Variants in ACOT11 observed in about 807,000 individuals in gnomAD.
ACOT11 encodes the protein acyl-CoA thioesterase 11.
ACOT11 carries 69 observed loss-of-function variants against 77.5 expected under a neutral mutation model. That is an observed-to-expected ratio of 0.89 (90% CI 0.73 to 1.09). The LOEUF (loss-of-function observed/expected upper bound fraction) is 1.09. Among genes scored for constraint, ACOT11 ranks in the 50% least tolerant of loss-of-function variants. The pLI, the probability that ACOT11 is intolerant of heterozygous loss-of-function variation, is 0.00. For synonymous variants in ACOT11, 279 were observed against 313.0 expected (o/e 0.89, Z 1.15); for missense variants, 766 against 813.7 (o/e 0.94, Z 0.71).
chr1:54,622,846 TG>T (rs11365693), intron 15 of ACOT11, among the ~76,000 whole-genome samples: 151,968 of 151,992 alleles, frequency 1, 75,972 homozygotes, highest in Middle Eastern at 1. Flanking sequence ...GAGCTGTGGA[TG>T]GGGGAATGAG....
Position 54,628,834 on chromosome 1 carries a change from C to T in ACOT11, c.1630-1900C>T, listed in dbSNP as rs964512992. Among the ~76,000 whole-genome samples, 9 of 132,064 alleles carry T rather than the reference C, an allele frequency of 6.8e-5. 1 individual carries two copies. Among genetic ancestry groups the T allele is most frequent in the Admixed American group, 3.9e-4 (5 of 12,766 alleles). The allele number at this position is 132,064 out of a possible 152,430, so 86.6% of individuals were successfully genotyped here. On this transcript the variant is annotated intron_variant, in intron 15 of 16. Transcript: ENST00000371316. Reference sequence around the variant, plus strand: ...CAACACTTTGGGAGGCTAAGGCGGGCGGATCACTCAAGATCAGGCATTCGA... The same window carrying T: ...CAACACTTTGGGAGGCTAAGGCGGGTGGATCACTCAAGATCAGGCATTCGA...
intron 15 of ACOT11, among the ~76,000 whole-genome samples, chr1:54,626,481 T>C (rs539296974): frequency 1.9e-4 from 27 of 145,868 alleles, no homozygotes; most frequent in Admixed American, 1.1e-3. Flanking sequence ...TTTAATTTCA[T>C]CCACTTGTCA....
chr1:54,607,065 C>G lies in ACOT11; in HGVS notation c.1371-69C>G, dbSNP rs1227356319. On this transcript the variant is annotated intron_variant, in intron 13 of 15. Transcript: ENST00000343744. This position sits in a 1 kb window ranked among gnomAD's most constrained non-coding sequence, Gnocchi z 4.5. The stretch of plus-strand genomic sequence containing the variant: ...TCAGGCACTGCAGTGTGGCAGGGCC[C>G]GGGCAGACCCGCTGCTTGCATGGGA... The G allele has an allele frequency of 7.5e-6, 12 of 1,597,914 alleles. No individual in the cohort carries two copies. The highest frequency in any genetic ancestry group is 5.1e-5 in the Admixed American group (3 of 59,114).
chr1:54,577,538 C>T (rs1165498856), intron 1 of ACOT11, among the ~76,000 whole-genome samples: 5 of 45,130 alleles, frequency 1.1e-4, no homozygotes, highest in Non-Finnish European at 2.2e-4. Flanking sequence ...TATCTATATA[C>T]ATACATATAT....
At chr1:54,567,804 C>T (rs926157621) in intron 1 of ACOT11, among the ~76,000 whole-genome samples, 1 of 152,182 alleles carries the variant, frequency 6.6e-6, no homozygotes, top group African/African-American at 2.4e-5. Flanking sequence ...ACCTCTCTGC[C>T]CAGCCAGCCC....
At chr1:54,576,479 C>G (rs1318114582) in intron 1 of ACOT11, among the ~76,000 whole-genome samples, 1 of 108,052 alleles carries the variant, frequency 9.3e-6, no homozygotes, top group Non-Finnish European at 1.7e-5. Context: ...GCCTAGGTGA[C>G]AGAGCAAGAT....
intron 6 of ACOT11, among the ~76,000 whole-genome samples, chr1:54,596,448 A>G (rs12563816): frequency 0.052 from 7,968 of 152,304 alleles, 657 homozygotes; most frequent in African/African-American, 0.17. Context: ...GACCCCATGC[A>G]CTGCCTGGCC....
downstream of ACOT11, among the ~76,000 whole-genome samples, chr1:54,611,322 C>A (rs1055193857): frequency 6.6e-6 from 1 of 152,130 alleles, no homozygotes. Flanking sequence ...ATCGCTTGAA[C>A]CCAGGAGGCG....
downstream of ACOT11, chr1:54,611,686 T>C: frequency 6.2e-7 from 1 of 1,614,018 alleles, no homozygotes; most frequent in African/African-American, 1.3e-5. Context: ...ATCCCGGACG[T>C]AGAGCAGATC....
At chr1:54,637,714 G>A (rs1644338789) in exon 17 of ACOT11, 1 of 151,826 alleles carries the variant, frequency 6.6e-6, no homozygotes, top group African/African-American at 2.4e-5. Context: ...TTGAACCCAG[G>A]AGGCAGAGGT....
At chr1:54,572,843 A>T in intron 1 of ACOT11, 1 of 787,428 alleles carries the variant, frequency 1.3e-6, no homozygotes. Flanking sequence ...GACAGCCACC[A>T]GAGGCAGTGT....
At chr1:54,620,045 C>A in intron 15 of ACOT11, 1 of 1,603,808 alleles carries the variant, frequency 6.2e-7, no homozygotes. Context: ...CGTCTGTCCT[C>A]GCCCCAGCCC....
intron 1 of ACOT11, among the ~76,000 whole-genome samples, chr1:54,575,795 G>A (rs1467948741): frequency 4.6e-5 from 7 of 152,224 alleles, no homozygotes; most frequent in Non-Finnish European, 5.9e-5. Flanking sequence ...CAGAGATGGC[G>A]GAGCAGGACA....
intron 15 of ACOT11, among the ~76,000 whole-genome samples, chr1:54,624,779 G>A (rs1444636202): frequency 6.6e-6 from 1 of 152,150 alleles, no homozygotes; most frequent in Admixed American, 6.5e-5. Flanking sequence ...TCAGAGCAGA[G>A]CCTGTTTAGA....
intron 15 of ACOT11, among the ~76,000 whole-genome samples, 199 bp from the exon 16 acceptor site, chr1:54,608,758 G>A (rs1295958607): frequency 6.6e-6 from 1 of 152,222 alleles, no homozygotes; most frequent in East Asian, 1.9e-4. Flanking sequence ...CCCGAGGAAG[G>A]GTTGGGGGAG....
downstream of ACOT11, among the ~76,000 whole-genome samples, chr1:54,614,274 T>C (rs1304883307): frequency 3.3e-5 from 5 of 152,002 alleles, no homozygotes; most frequent in Admixed American, 3.3e-4. Context: ...GGAATCAAGG[T>C]TTTAGACTTC....
intron 1 of ACOT11, chr1:54,572,984 A>T (rs1653976977): frequency 1.0e-6 from 1 of 985,352 alleles, no homozygotes; most frequent in South Asian, 4.7e-5. Context: ...CCTCACTGAC[A>T]GTGGCCCAGT....
intron 15 of ACOT11, among the ~76,000 whole-genome samples, chr1:54,626,529 C>T (rs1644274010): frequency 6.6e-6 from 1 of 152,126 alleles, no homozygotes; most frequent in African/African-American, 2.4e-5. Context: ...CCCCATGTTG[C>T]AGGCAAAGAA....
intron 15 of ACOT11, chr1:54,615,876 C>T (rs745477251): frequency 3.0e-4 from 244 of 807,060 alleles, no homozygotes; most frequent in Non-Finnish European, 4.8e-4. Flanking sequence ...TGAGCCTGGG[C>T]ATCTATAACA....
Sources: allele counts gnomAD v4.1 joint callset (sites outside exome capture counted in the v4.1 genomes callset), GRCh38; gene constraint gnomAD v4.1.1; non-coding constraint Gnocchi (gnomAD v3.1); transcripts MANE v1.5; gene names NCBI Gene and HGNC (gene_info 2026-07-23, HGNC 2026-07-21).